CENPE: variants seen among roughly 807,000 people sequenced by gnomAD.
The protein encoded by CENPE is centromere protein E.
In CENPE, 145 loss-of-function variants were observed where a neutral mutation model predicts 336.1. That is an observed-to-expected ratio of 0.43 (90% CI 0.38 to 0.50). The LOEUF (loss-of-function observed/expected upper bound fraction) is 0.50. CENPE is among the 20% of genes least tolerant of loss of function. CENPE has a pLI of 0.00. For missense variants in CENPE, 2,719 were observed against 3,023.3 expected (o/e 0.90, Z 2.36); for synonymous variants, 1,013 against 984.8 (o/e 1.03, Z -0.54).
At chr4:103,171,403 C>T (rs1755398538) in intron 16 of CENPE, among the ~76,000 whole-genome samples, 1 of 151,836 alleles carries the variant, frequency 6.6e-6, no homozygotes, top group African/African-American at 2.4e-5. Flanking sequence ...AAAAATTAAA[C>T]ACGCTCCTGA....
Position 103,196,320 on chromosome 4 carries a change from A to G in CENPE, c.149-68T>C, listed in dbSNP as rs187719677. On this transcript the variant is annotated intron_variant, in intron 2 of 48. Coordinates refer to ENST00000265148, the MANE Select transcript of CENPE (RefSeq NM_001813.3). ...AATGAGTCCACTGTGTTTTCATTCC[A>G]AATTAGTAATTATTCCCAAAAGTAA... 4 of 1,144,836 alleles carry G rather than the reference A, an allele frequency of 3.5e-6. No individual in the cohort carries two copies. In the East Asian group the frequency reaches 9.6e-5, roughly 27 times the overall value. 70.9% of individuals were successfully genotyped at this position (1,144,836 alleles called of 1,614,324 possible). A position where few individuals can be genotyped will look rare whatever the true frequency, so the allele number is the denominator to read the frequency against.
rs754057484 is a variant in CENPE at position 103,151,297 on chromosome 4, G to T, written c.3318C>A (p.Asn1106Lys). The T allele has an allele frequency of 1.2e-6, 2 of 1,605,616 alleles. No homozygotes were observed. The highest frequency in any genetic ancestry group is 2.7e-5 in the African/African-American group (2 of 74,356). The change falls in exon 26 of 49, where the codon AAC (asparagine) becomes AAA (lysine). Residue 1106 changes from asparagine (N) to lysine (K), a missense_variant. Physicochemically the swap from Asn to Lys is moderately conservative, Grantham distance 94. Coordinates refer to ENST00000265148, the MANE Select transcript of CENPE (RefSeq NM_001813.3). ...GCTCTCCTTCTTTCTTTATGGCATG[G>T]TTCTTTTCTTGTGCAACTATCTCTT... Reference protein sequence around the residue: ...KQQEIVAQEKNHAIKKEGELS... With the variant: ...KQQEIVAQEKKHAIKKEGELS...
Position 103,120,271 on chromosome 4 carries a change from G to C in CENPE, c.7206C>G (p.Ser2402Arg). ...EAKESAMHKE[S>R]KIIKMQKELE... The stretch of plus-strand genomic sequence containing the variant: ...GTTCTTTCTGCATCTTTATAATCTT[G>C]CTTTCCTTATGCATAGCACTTTCTT... Residue 2402 changes from serine (S) to arginine (R), a missense_variant, in exon 44 of 49, where the codon AGC becomes AGG. By Grantham distance (110) the Ser-to-Arg change is moderately radical. Around this residue, in one of 5 missense-constraint regions of CENPE, gnomAD observed 2,437 missense variants for 2,513.3 expected, o/e 0.97. Coordinates refer to ENST00000265148, the MANE Select transcript of CENPE (RefSeq NM_001813.3). 1 of 1,612,194 alleles carries C rather than the reference G, an allele frequency of 6.2e-7. No homozygotes were observed. Among genetic ancestry groups the C allele is most frequent in the Non-Finnish European group, 8.5e-7 (1 of 1,179,348 alleles).
intron 16 of CENPE, among the ~76,000 whole-genome samples, chr4:103,170,650 A>C (rs1436392944): frequency 6.6e-6 from 1 of 152,218 alleles, no homozygotes; most frequent in African/African-American, 2.4e-5. Flanking sequence ...AAAACAAATA[A>C]GAAAATAATT....
At chr4:103,175,881 G>T in intron 15 of CENPE, 79 bp downstream of exon 15, 2 of 851,122 alleles carry the variant, frequency 2.3e-6, no homozygotes, top group South Asian at 1.8e-5. Flanking sequence ...AATTAAATGA[G>T]AACAAGTAAC....
At chr4:103,129,784 C>CA (rs1426255240) in intron 42 of CENPE, among the ~76,000 whole-genome samples, 5 of 151,866 alleles carry the variant, frequency 3.3e-5, no homozygotes, top group Admixed American at 2.0e-4. Context: ...AAAATCTCAA[C>CA]AAAATATTAG....
In CENPE at chr4:103,140,095, A is replaced by AC. The variant is rs1403764138; in HGVS notation, c.5914-17_5914-16insG. ...GTTCTTGGATCTTGAGATAATTGTA[A>AC]AACAAGTTAGAATGTAAGCAGTTTC... is the stretch of plus-strand genomic sequence containing the variant. On this transcript the variant is annotated splice_polypyrimidine_tract_variant and intron_variant, in intron 37 of 48. Coordinates refer to ENST00000265148, the MANE Select transcript of CENPE (RefSeq NM_001813.3). 4 of 1,586,492 alleles carry AC rather than the reference A, an allele frequency of 2.5e-6. No individual in the cohort carries two copies. The highest frequency in any genetic ancestry group is 2.6e-6 in the Non-Finnish European group (3 of 1,167,864).
rs1274643170 is a variant in CENPE at position 103,174,657 on chromosome 4, AG to A, written c.1647+78del. 1.4e-5 allele frequency: 15 copies of A among 1,059,242 alleles called. No individual in the cohort carries two copies. The East Asian group carries it at 3.3e-4, about 23-fold the overall frequency. 65.6% of individuals were successfully genotyped at this position (1,059,242 alleles called of 1,614,324 possible). ...CTGTACATTTAAAAAAAATTAAAAA[AG>A]CTTACATTATAGAAAAAAGAGAATA... is the stretch of plus-strand genomic sequence containing the variant. On this transcript the variant is annotated intron_variant, in intron 16 of 48. Coordinates refer to ENST00000265148, the MANE Select transcript of CENPE (RefSeq NM_001813.3).
intron 26 of CENPE, among the ~76,000 whole-genome samples, chr4:103,150,745 G>T (rs1560633202): frequency 1.3e-5 from 2 of 152,118 alleles, no homozygotes; most frequent in Non-Finnish European, 2.9e-5. Flanking sequence ...TGTTACAGGG[G>T]TCTTAGCTCT....
intron 16 of CENPE, among the ~76,000 whole-genome samples, chr4:103,166,049 A>G (rs940366437): frequency 6.6e-6 from 1 of 152,052 alleles, no homozygotes; most frequent in African/African-American, 2.4e-5. Context: ...ATAAGCTTCA[A>G]TTTTTCTTAT....
chr4:103,157,104 G>A (rs1047896371), intron 24 of CENPE, among the ~76,000 whole-genome samples: 7 of 149,930 alleles, frequency 4.7e-5, no homozygotes, highest in Non-Finnish European at 8.9e-5. Flanking sequence ...GTTGGCAAAG[G>A]TGCATATAAA....
Position 103,143,663 on chromosome 4 carries a change from T to C in CENPE, c.5146-257A>G, listed in dbSNP as rs191292998. On this transcript the variant is annotated intron_variant, in intron 33 of 48. Transcript: ENST00000265148. ...TTTTTATTTGTGGCATAGAATTCCA[T>C]GACGTGAATGTGCTGCACTTATTTA... Among the ~76,000 whole-genome samples the C allele has an allele frequency of 3.9e-3, 590 of 152,336 alleles. 3 individuals carry two copies. Among genetic ancestry groups the C allele is most frequent in the Non-Finnish European group, 6.2e-3 (421 of 68,022 alleles).
At chr4:103,154,077 A>C (rs1416721825) in intron 24 of CENPE, among the ~76,000 whole-genome samples, 1 of 152,108 alleles carries the variant, frequency 6.6e-6, no homozygotes, top group African/African-American at 2.4e-5. Context: ...TGCTGGTACA[A>C]ATTTAGGGTA....
At chr4:103,110,372 A>C (rs1578525816) in intron 47 of CENPE, among the ~76,000 whole-genome samples, 1 of 152,206 alleles carries the variant, frequency 6.6e-6, no homozygotes, top group Non-Finnish European at 1.5e-5. Context: ...GTTATTTGTA[A>C]AATTATTTAA....
rs376605143 is a variant in CENPE, at chr4:103,133,803, C to T, written c.6612G>A (p.Lys2204=). Residue 2204 remains lysine, a synonymous_variant, in exon 41 of 49, where the codon AAG becomes AAA. Transcript: ENST00000265148. ...GTATTTTAATTAGCAATTCCTTTTGCTTTTCCACTTCATCAATAAAATCCA... is the reference window on the plus strand; with the variant it reads ...GTATTTTAATTAGCAATTCCTTTTGTTTTTCCACTTCATCAATAAAATCCA... ...FEMDFIDEVE[K]QKELLIKIQH... 7.5e-6 allele frequency: 12 copies of T among 1,607,946 alleles called. No individual in the cohort carries two copies. Among genetic ancestry groups the T allele is most frequent in the Non-Finnish European group, 1.0e-5 (12 of 1,175,388 alleles).
At chr4:103,121,828 TG>T (rs1750649721) in intron 43 of CENPE, among the ~76,000 whole-genome samples, 1 of 152,138 alleles carries the variant, frequency 6.6e-6, no homozygotes. Flanking sequence ...CCCAAAGTAC[TG>T]GGATTACAGA....
Position 103,147,376 on chromosome 4 carries a change from T to C in CENPE, c.4114A>G (p.Ile1372Val). ...EVKHDQLKEHIRETLAKIQES... is the reference protein window; with the variant it reads ...EVKHDQLKEHVRETLAKIQES... The stretch of plus-strand genomic sequence containing the variant: ...CTTACTTTAGCCAAAGTTTCTCTAA[T>C]ATGTTCTTTCAGCTGGTCATGTTTA... The change falls in exon 29 of 49, where the codon ATT becomes GTT. Residue 1372 changes from isoleucine (I) to valine (V), a missense_variant. Coordinates refer to ENST00000265148, the MANE Select transcript of CENPE (RefSeq NM_001813.3). 6.2e-7 allele frequency: 1 copy of C among 1,605,000 alleles called. No homozygotes were observed. The highest frequency in any genetic ancestry group is 1.7e-5 in the Admixed American group (1 of 58,300).
Position 103,132,693 on chromosome 4 carries a change from A to G in CENPE, c.6924T>C (p.Ile2308=). The G allele has an allele frequency of 6.8e-7, 1 of 1,466,570 alleles. No homozygotes were observed. The highest frequency in any genetic ancestry group is 9.4e-7 in the Non-Finnish European group (1 of 1,064,092). The allele number at this position is 1,466,570 out of a possible 1,614,324, so 90.8% of individuals were successfully genotyped here. The change falls in exon 42 of 49, where the codon ATT becomes ATC. Residue 2308 remains isoleucine (I), a splice_region_variant and synonymous_variant. Coordinates refer to ENST00000265148, the MANE Select transcript of CENPE (RefSeq NM_001813.3). ...TAGTACAGCAAAAAGTAATACTTAC[A>G]ATTATTCTGTTATTAAAGAAGTTAT... The part of the protein sequence containing the change: ...QVNNFFNNRI[I]AIMNESTEFE...
In CENPE at chr4:103,116,643, T is replaced by A; in HGVS notation, c.7376A>T (p.Asp2459Val). Residue 2459 changes from aspartate (D) to valine (V), a missense_variant, in exon 45 of 49, where the codon GAT (aspartate) becomes GTT (valine). By Grantham distance (152) the Asp-to-Val change is radical. Transcript: ENST00000265148. ...GAKPYKEEIE[D>V]LKMKLVKIDL... ...TATTTTCACAAGCTTCATTTTGAGA[T>A]CTTCAATTTCTTCTTTATATGGCTT... The A allele has an allele frequency of 1.3e-6, 2 of 1,595,568 alleles. 1 individual carries two copies. The highest frequency in any genetic ancestry group is 2.3e-5 in the South Asian group (2 of 86,006).
Sources: allele counts gnomAD v4.1 joint callset (sites outside exome capture counted in the v4.1 genomes callset), GRCh38; gene constraint gnomAD v4.1.1; regional missense constraint gnomAD v4.1.1; transcripts MANE v1.5; gene names NCBI Gene and HGNC (gene_info 2026-07-23, HGNC 2026-07-21).